The following ZFHX4 variants were observed in gnomAD, a reference collection of about 807,000 sequenced individuals.
ZFHX4 encodes zinc finger homeobox protein 4.
ZFHX4 carries 56 observed loss-of-function variants against 267.6 expected under a neutral mutation model. The ratio of observed to expected loss-of-function variants is 0.21; its 90% CI spans 0.17 to 0.26. The LOEUF is 0.26. ZFHX4 is among the 10% of genes least tolerant of loss of function. The pLI, the probability that ZFHX4 is intolerant of heterozygous loss-of-function variation, is 1.00. For missense variants in ZFHX4, 4,332 were observed against 4,420.0 expected (o/e 0.98, Z 0.56); for synonymous variants, 1,778 against 1,665.6 (o/e 1.07, Z -1.64).
Position 76,852,869 on chromosome 8 carries a change from G to A in ZFHX4, c.5948G>A (p.Arg1983His), listed in dbSNP as rs757178425. ...FPYAALEKFA[R>H]QYREAYDKLY... The stretch of plus-strand genomic sequence containing the variant: ...TATGCAGCGCTAGAAAAATTTGCTC[G>A]TCAATACAGGGAGGCCTATGACAAG... The change falls in exon 10 of 11, where the codon CGT becomes CAT. Residue 1983 changes from arginine (R) to histidine (H), a missense_variant. By Grantham distance (29) the Arg-to-His change is conservative. This residue lies in a region of ZFHX4 where 1,371 missense variants were observed against 1,423.1 expected (regional missense o/e 0.96). Coordinates refer to ENST00000651372, the MANE Select transcript of ZFHX4 (RefSeq NM_024721.5). 55 of 1,613,566 alleles carry A rather than the reference G, an allele frequency of 3.4e-5. No individual in the cohort carries two copies. In the Middle Eastern group the frequency reaches 6.6e-4, roughly 19 times the overall value.
intron 4 of ZFHX4, among the ~76,000 whole-genome samples, chr8:76,819,145 T>G (rs1338397771): frequency 7.2e-6 from 1 of 138,584 alleles, no homozygotes; most frequent in Non-Finnish European, 1.5e-5. Context: ...CATAAAGGTT[T>G]TTTTTTTTTT....
At chr8:76,806,232 A>C (rs1259274291) in intron 4 of ZFHX4, among the ~76,000 whole-genome samples, 1 of 152,118 alleles carries the variant, frequency 6.6e-6, no homozygotes, top group East Asian at 1.9e-4. Context: ...CCAAAAGACA[A>C]GATGCCTAGC....
At chr8:76,835,073 A>AAAACCTATACAAAAATAT (rs1812035486) in intron 5 of ZFHX4, among the ~76,000 whole-genome samples, 1 of 150,922 alleles carries the variant, frequency 6.6e-6, no homozygotes, top group Non-Finnish European at 1.5e-5. Context: ...GTTTTATACA[A>AAAACCTATACAAAAATAT]AGTATATATT....
intron 3 of ZFHX4, among the ~76,000 whole-genome samples, chr8:76,767,177 G>T (rs546803509): frequency 6.6e-6 from 1 of 151,966 alleles, no homozygotes; most frequent in African/African-American, 2.4e-5. Context: ...TAAATAAGTG[G>T]CAGAAATGTG....
At chr8:76,713,887 A>AAC (rs142829711) in intron 3 of ZFHX4, among the ~76,000 whole-genome samples, 144 of 149,594 alleles carry the variant, frequency 9.6e-4, no homozygotes, top group African/African-American at 2.0e-3. Flanking sequence ...TTTACTCCTG[A>AAC]ACACACACAC....
At chr8:76,750,538 G>C (rs1348886246) in intron 3 of ZFHX4, among the ~76,000 whole-genome samples, 4 of 152,066 alleles carry the variant, frequency 2.6e-5, no homozygotes, top group African/African-American at 9.7e-5. Flanking sequence ...AAATGTAAAG[G>C]TGTGAAAAAT....
At chr8:76,808,278 C>G (rs1329304972) in intron 4 of ZFHX4, among the ~76,000 whole-genome samples, 1 of 152,060 alleles carries the variant, frequency 6.6e-6, no homozygotes, top group South Asian at 2.1e-4. Flanking sequence ...TGAAAAATAG[C>G]CCCTCTTTTT....
At chr8:76,798,074 A>G (rs1422506589) in intron 4 of ZFHX4, among the ~76,000 whole-genome samples, 1 of 152,168 alleles carries the variant, frequency 6.6e-6, no homozygotes, top group African/African-American at 2.4e-5. Flanking sequence ...TTGCAGATAA[A>G]GAATAAGGCA....
Position 76,849,688 on chromosome 8 carries a change from C to T in ZFHX4, c.3822C>T (p.Asp1274=), listed in dbSNP as rs781685150. The change falls in exon 8 of 11, where the codon GAC becomes GAT. Residue 1274 remains aspartate, a synonymous_variant. Transcript: ENST00000651372. ...HLTHLHSVSP[D]CVEKLLMTVP... ...CGCATTTGCACAGTGTGTCTCCAGA[C>T]TGTGTGGAGAAGCTGCTTATGACAG... 6.2e-7 allele frequency: 1 copy of T among 1,613,858 alleles called. No homozygotes were observed. The highest frequency in any genetic ancestry group is 8.5e-7 in the Non-Finnish European group (1 of 1,179,852).
Position 76,849,696 on chromosome 8 carries a change from A to G in ZFHX4, c.3830A>G (p.Glu1277Gly). 1 of 1,613,858 alleles carries G rather than the reference A, an allele frequency of 6.2e-7. No homozygotes were observed. ...CACAGTGTGTCTCCAGACTGTGTGGAGAAGCTGCTTATGACAGTAAGGATA... is the reference window on the plus strand; with the variant it reads ...CACAGTGTGTCTCCAGACTGTGTGGGGAAGCTGCTTATGACAGTAAGGATA... ...HLHSVSPDCV[E>G]KLLMTVPVPD... Residue 1277 changes from glutamate to glycine, a missense_variant, in exon 8 of 11, where the codon GAG (glutamate) becomes GGG (glycine). By Grantham distance (98) the Glu-to-Gly change is moderately conservative. Coordinates refer to ENST00000651372, the MANE Select transcript of ZFHX4 (RefSeq NM_024721.5).
In ZFHX4 at chr8:76,855,051, A is replaced by G; in HGVS notation, c.8130A>G (p.Pro2710=). The change falls in exon 10 of 11, where the codon CCA becomes CCG. Residue 2710 remains proline (P), a synonymous_variant. Transcript: ENST00000651372. ...GAAAGCAGGCAGGTTACAGCTTGCCACCAAGCCCTTTAATATCCACCGAAG... is the reference window on the plus strand; with the variant it reads ...GAAAGCAGGCAGGTTACAGCTTGCCGCCAAGCCCTTTAATATCCACCGAAG... The part of the protein sequence containing the change: ...NEGKQAGYSL[P]PSPLISTEDG... 2 of 1,613,956 alleles carry G rather than the reference A, an allele frequency of 1.2e-6. No homozygotes were observed. Among genetic ancestry groups the G allele is most frequent in the Non-Finnish European group, 8.5e-7 (1 of 1,179,874 alleles).
intron 3 of ZFHX4, among the ~76,000 whole-genome samples, chr8:76,765,746 T>C (rs1191122697): frequency 6.6e-6 from 1 of 152,066 alleles, no homozygotes; most frequent in Non-Finnish European, 1.5e-5. Flanking sequence ...CACAGTACCG[T>C]TAGGTATGGC....
chr8:76,776,077 T>C (rs1810393851), intron 3 of ZFHX4, among the ~76,000 whole-genome samples: 1 of 151,906 alleles, frequency 6.6e-6, no homozygotes, highest in Non-Finnish European at 1.5e-5. Context: ...TTGCTCCTTT[T>C]ATTGGTACCA....
Position 76,854,394 on chromosome 8 carries a change from A to G in ZFHX4, c.7473A>G (p.Leu2491=). The G allele has an allele frequency of 6.2e-7, 1 of 1,613,972 alleles. No homozygotes were observed. The highest frequency in any genetic ancestry group is 8.5e-7 in the Non-Finnish European group (1 of 1,179,882). ...SLQNSLPPQL[L]QYQCDQCTVA... ...AGAACAGTCTACCTCCACAGTTACT[A>G]CAATACCAATGTGATCAGTGTACAG... Residue 2491 remains leucine, a synonymous_variant, in exon 10 of 11, where the codon CTA becomes CTG. Transcript: ENST00000651372.
intron 4 of ZFHX4, among the ~76,000 whole-genome samples, chr8:76,809,981 T>C (rs919581278): frequency 2.6e-5 from 4 of 152,154 alleles, no homozygotes; most frequent in African/African-American, 7.2e-5. Flanking sequence ...TCAATAAATA[T>C]GATAAAATTG....
Position 76,863,786 on chromosome 8 carries a change from C to A in ZFHX4, c.10072C>A (p.Gln3358Lys). The change falls in exon 11 of 11, where the codon CAA (glutamine) becomes AAA (lysine). Residue 3358 changes from glutamine (Q) to lysine (K), a missense_variant. Around this residue, in one of 7 missense-constraint regions of ZFHX4, gnomAD observed 1,648 missense variants for 1,625.0 expected, o/e 1.01. Coordinates refer to ENST00000651372, the MANE Select transcript of ZFHX4 (RefSeq NM_024721.5). Reference protein sequence around the residue: ...KTSKVESDQPQNSNDASETKE... With the variant: ...KTSKVESDQPKNSNDASETKE... ...ATCCAAAGTAGAAAGTGACCAGCCGCAAAACTCCAACGATGCTTCAGAAAC... is the reference window on the plus strand; with the variant it reads ...ATCCAAAGTAGAAAGTGACCAGCCGAAAAACTCCAACGATGCTTCAGAAAC... 1.3e-6 allele frequency: 2 copies of A among 1,552,284 alleles called. No individual in the cohort carries two copies. The highest frequency in any genetic ancestry group is 2.4e-5 in the South Asian group (2 of 84,262).
intron 3 of ZFHX4, among the ~76,000 whole-genome samples, chr8:76,764,637 G>A (rs1299298687): frequency 6.6e-6 from 1 of 152,084 alleles, no homozygotes; most frequent in Non-Finnish European, 1.5e-5. Flanking sequence ...TTCAAATATG[G>A]AGACAAGGAT....
intron 5 of ZFHX4, among the ~76,000 whole-genome samples, chr8:76,839,706 T>G (rs1387256187): frequency 6.6e-6 from 1 of 152,226 alleles, no homozygotes; most frequent in Non-Finnish European, 1.5e-5. Flanking sequence ...GGCATCTTTA[T>G]TTTGGAATTT....
At chr8:76,702,730 GC>G (rs1808136545) in intron 1 of ZFHX4, among the ~76,000 whole-genome samples, 1 of 152,146 alleles carries the variant, frequency 6.6e-6, no homozygotes, top group Non-Finnish European at 1.5e-5. Context: ...AAATTAAGGT[GC>G]TGGCCTTGAA....
Sources: gnomAD v4.1 joint callset for allele counts (sites outside exome capture counted in the v4.1 genomes callset) on GRCh38, gnomAD v4.1.1 for gene constraint, gnomAD v4.1.1 regional missense constraint, MANE v1.5 for transcripts, NCBI Gene and HGNC (gene_info 2026-07-23, HGNC 2026-07-21) for gene names.